ATXN1: variants seen among roughly 807,000 people sequenced by gnomAD.
ATXN1 encodes ataxin 1.
Under a neutral mutation model 56.4 loss-of-function variants are expected in ATXN1, and 8 were observed. The observed-to-expected ratio is 0.14, with a 90% CI of 0.08 to 0.26. The LOEUF is 0.26. ATXN1 is among the 10% of genes least tolerant of loss of function. ATXN1 has a pLI of 1.00. For missense variants in ATXN1, 987 were observed against 1,106.5 expected (o/e 0.89, Z 1.53); for synonymous variants, 514 against 494.6 (o/e 1.04, Z -0.52).
chr6:16,571,307 A>T (rs1762327382), intron 4 of ATXN1, among the ~76,000 whole-genome samples: 1 of 151,132 alleles, frequency 6.6e-6, no homozygotes, highest in African/African-American at 2.5e-5. Context: ...TGTTCCCTAT[A>T]AAAAAAATAC....
chr6:16,430,706 G>GGTGT (rs554132123), intron 6 of ATXN1, among the ~76,000 whole-genome samples: 1 of 149,466 alleles, frequency 6.7e-6, no homozygotes, highest in Non-Finnish European at 1.5e-5. Context: ...TGGTGCTGCT[G>GGTGT]GTGTGTGTGT....
At chr6:16,347,503 T>G (rs990070669) in intron 6 of ATXN1, among the ~76,000 whole-genome samples, 5 of 151,626 alleles carry the variant, frequency 3.3e-5, no homozygotes, top group African/African-American at 9.7e-5. Flanking sequence ...AGCTAAGGGA[T>G]TGTAAATACA....
intron 3 of ATXN1, among the ~76,000 whole-genome samples, chr6:16,653,365 T>C (rs1004473784): frequency 6.6e-6 from 1 of 152,226 alleles, no homozygotes; most frequent in African/African-American, 2.4e-5. Context: ...TGCTTTGATG[T>C]GCGTCCACTA....
At chr6:16,714,953 G>T (rs1297226665) in intron 2 of ATXN1, among the ~76,000 whole-genome samples, 1 of 152,096 alleles carries the variant, frequency 6.6e-6, no homozygotes, top group Non-Finnish European at 1.5e-5. Flanking sequence ...GTTGCTTTGG[G>T]CATGAAACAG....
chr6:16,381,253 C>T (rs1211312926), intron 6 of ATXN1, among the ~76,000 whole-genome samples: 1 of 151,856 alleles, frequency 6.6e-6, no homozygotes, highest in Non-Finnish European at 1.5e-5. Context: ...ACCACTGCAC[C>T]CCAGCCTGGG....
At chr6:16,550,780 G>C (rs1447836406) in intron 4 of ATXN1, among the ~76,000 whole-genome samples, 1 of 152,128 alleles carries the variant, frequency 6.6e-6, no homozygotes, top group Non-Finnish European at 1.5e-5. Flanking sequence ...TTATCAAAAA[G>C]GATTAAGTTT....
intron 4 of ATXN1, among the ~76,000 whole-genome samples, chr6:16,553,886 C>CA (rs1462054035): frequency 6.6e-6 from 1 of 152,050 alleles, no homozygotes; most frequent in Non-Finnish European, 1.5e-5. Context: ...CAAGGGGCCT[C>CA]AAAAAATCTT....
chr6:16,479,687 T>C (rs911871651), intron 6 of ATXN1, among the ~76,000 whole-genome samples: 19 of 152,324 alleles, frequency 1.2e-4, no homozygotes, highest in South Asian at 6.2e-4. Context: ...CCCTTCTTTA[T>C]TGTGGATTCT....
chr6:16,634,061 G>A (rs1424240947), intron 3 of ATXN1, among the ~76,000 whole-genome samples: 2 of 152,160 alleles, frequency 1.3e-5, no homozygotes, highest in Admixed American at 6.5e-5. Flanking sequence ...CCTATTAGAT[G>A]TCTGGTTTCT....
At chr6:16,380,913 G>C (rs2113505622) in intron 6 of ATXN1, among the ~76,000 whole-genome samples, 1 of 152,326 alleles carries the variant, frequency 6.6e-6, no homozygotes, top group East Asian at 1.9e-4. Flanking sequence ...TTGGAAATAG[G>C]GTTGTTGCAG....
At chr6:16,613,467 T>A (rs1210613590) in intron 3 of ATXN1, among the ~76,000 whole-genome samples, 1 of 151,816 alleles carries the variant, frequency 6.6e-6, no homozygotes, top group Non-Finnish European at 1.5e-5. Flanking sequence ...TGGAATAAAT[T>A]CACAAATATT....
At chr6:16,640,115 C>G (rs1197667467) in intron 3 of ATXN1, among the ~76,000 whole-genome samples, 4 of 152,114 alleles carry the variant, frequency 2.6e-5, no homozygotes, top group African/African-American at 9.7e-5. Context: ...AGCAACTCCA[C>G]CAGCATCACC....
chr6:16,365,228 G>A (rs1169411324), intron 6 of ATXN1, among the ~76,000 whole-genome samples: 4 of 152,116 alleles, frequency 2.6e-5, no homozygotes, highest in Non-Finnish European at 5.9e-5. Flanking sequence ...CCAGGCTGGA[G>A]TGCAGTGGTG....
At chr6:16,498,823 C>G (rs534542862) in intron 5 of ATXN1, among the ~76,000 whole-genome samples, 1 of 152,250 alleles carries the variant, frequency 6.6e-6, no homozygotes, top group Non-Finnish European at 1.5e-5. Flanking sequence ...CTATCCAATG[C>G]CTTTGTCCAT....
chr6:16,662,508 AT>A (rs1190434213), intron 2 of ATXN1, among the ~76,000 whole-genome samples: 2 of 151,888 alleles, frequency 1.3e-5, no homozygotes, highest in African/African-American at 4.8e-5. Flanking sequence ...AATTTTTTGT[AT>A]TTTTAGTAGA....
At chr6:16,450,250 T>A (rs1484511349) in intron 6 of ATXN1, among the ~76,000 whole-genome samples, 1 of 152,248 alleles carries the variant, frequency 6.6e-6, no homozygotes, top group East Asian at 1.9e-4. Context: ...CTCCCCTATA[T>A]GATTGCAAAC....
chr6:16,424,141 A>T (rs1194548299), intron 6 of ATXN1, among the ~76,000 whole-genome samples: 1 of 152,214 alleles, frequency 6.6e-6, no homozygotes, highest in Non-Finnish European at 1.5e-5. Context: ...TGTCTAAGGT[A>T]GACAGAGGGC....
At chr6:16,674,531 G>C (rs1007273612) in intron 2 of ATXN1, among the ~76,000 whole-genome samples, 1 of 123,686 alleles carries the variant, frequency 8.1e-6, no homozygotes, top group Non-Finnish European at 1.6e-5. Context: ...TTTTTTTTTT[G>C]TATTTTTAGT....
At position 16,304,698 on chromosome 6, in the gene ATXN1, C is replaced by T. The variant is rs1208836173; in HGVS notation, c.*1631G>A. 1.3e-5 allele frequency: 2 copies of T among 152,614 alleles called. No homozygotes were observed. The highest frequency in any genetic ancestry group is 4.8e-5 in the African/African-American group (2 of 41,432). The allele number at this position is 152,614 out of a possible 1,614,324, so 9.5% of individuals were successfully genotyped here. A position where few individuals can be genotyped will look rare whatever the true frequency, so the allele number is the denominator to read the frequency against. ...TTAGGCAGGTTAGAAAGAAATTTTG[C>T]TACATTTATTTATGCTCGTTCAGTC... On this transcript the variant is annotated 3_prime_UTR_variant, in exon 8 of 8. Transcript: ENST00000436367.
Sources: allele counts gnomAD v4.1 joint callset (sites outside exome capture counted in the v4.1 genomes callset), GRCh38; gene constraint gnomAD v4.1.1; transcripts MANE v1.5; gene names NCBI Gene and HGNC (gene_info 2026-07-23, HGNC 2026-07-21).